The following ANKRD10 variants were observed in gnomAD, a reference collection of about 807,000 sequenced individuals.
ANKRD10 encodes the protein ankyrin repeat domain 10, also known as ankyrin repeat domain-containing protein 10.
In ANKRD10, 14 loss-of-function variants were observed where a neutral mutation model predicts 27.0. The ratio of observed to expected loss-of-function variants is 0.52; its 90% CI spans 0.34 to 0.81. The LOEUF (loss-of-function observed/expected upper bound fraction) is 0.81. Among genes scored for constraint, ANKRD10 ranks in the 40% least tolerant of loss-of-function variants. ANKRD10 has a pLI of 0.01. For missense variants in ANKRD10, 493 were observed against 544.0 expected, an observed-to-expected ratio of 0.91 and a Z score of 0.93; for synonymous variants, 250 against 224.5, an observed-to-expected ratio of 1.11 and a Z score of -1.01.
At chr13:110,884,982 G>A (rs2064889738) in intron 4 of ANKRD10, among the ~76,000 whole-genome samples, 1 of 151,768 alleles carries the variant, frequency 6.6e-6, no homozygotes, top group South Asian at 2.1e-4. Context: ...TGAGAAACCC[G>A]ATTTCTGAAA....
Position 110,900,502 on chromosome 13 carries a change from C to A in ANKRD10, c.455+5531G>T. ...ATCTCTATCTGAATTCCTAGATTAG[C>A]GTTAAAACCAATCACCGCAACAAAT... is the stretch of plus-strand genomic sequence containing the variant. On this transcript the variant is annotated intron_variant, in intron 3 of 5. Transcript: ENST00000267339. The A allele has an allele frequency of 5.6e-6, 7 of 1,251,510 alleles. No individual in the cohort carries two copies. In the South Asian group the frequency reaches 8.3e-5, roughly 15 times the overall value. The allele number at this position is 1,251,510 out of a possible 1,614,324, so 77.5% of individuals were successfully genotyped here. A position where few individuals can be genotyped will look rare whatever the true frequency, so the allele number is the denominator to read the frequency against.
Position 110,879,139 on chromosome 13 carries a change from C to T in ANKRD10, c.*498G>A, listed in dbSNP as rs143647399. The T allele has an allele frequency of 2.0e-3, 317 of 162,286 alleles. 1 individual carries two copies. The highest frequency in any genetic ancestry group is 7.1e-3 in the African/African-American group (298 of 41,696). 10.1% of individuals were successfully genotyped at this position (162,286 alleles called of 1,614,324 possible). On this transcript the variant is annotated 3_prime_UTR_variant, in exon 6 of 6. Coordinates refer to ENST00000267339, the MANE Select transcript of ANKRD10 (RefSeq NM_017664.4). The stretch of plus-strand genomic sequence containing the variant: ...AGCTTCATTGAAAAAGACAAACGTT[C>T]TCTTCTTCACACAAATCACTGCAGA...
chr13:110,912,285 A>C (rs2065738155), intron 1 of ANKRD10, among the ~76,000 whole-genome samples: 2 of 152,164 alleles, frequency 1.3e-5, no homozygotes, highest in African/African-American at 4.8e-5. Context: ...ATCTCAACTC[A>C]AGGTTTCTTT....
At chr13:110,884,212 T>C (rs1240205978) in intron 4 of ANKRD10, among the ~76,000 whole-genome samples, 1 of 131,688 alleles carries the variant, frequency 7.6e-6, no homozygotes, top group Non-Finnish European at 1.8e-5. Flanking sequence ...ACTATTTCCA[T>C]TAACAAAAAA....
At position 110,910,759 on chromosome 13, in the gene ANKRD10, T is replaced by C. The variant is rs144260529; in HGVS notation, c.222A>G (p.Leu74=). ...WAAHFGKLEC[L]VQLVRAGATL... ...TGGCTCCCGCTCTCACCAACTGCAC[T>C]AAGCACTCCAACTTCGAAAACAAGA... is the stretch of plus-strand genomic sequence containing the variant. Residue 74 remains leucine, a synonymous_variant, in exon 2 of 6, where the codon TTA becomes TTG. Transcript: ENST00000267339. 5.8e-4 allele frequency: 939 copies of C among 1,613,504 alleles called. 5 individuals carry two copies. The African/African-American group carries it at 0.012, about 20-fold the overall frequency.
At position 110,915,016 on chromosome 13, in the gene ANKRD10, A is replaced by G. The variant is rs1198320833; in HGVS notation, c.-82T>C. The G allele has an allele frequency of 2.0e-6, 3 of 1,474,018 alleles. No individual in the cohort carries two copies. Among genetic ancestry groups the G allele is most frequent in the African/African-American group, 2.8e-5 (2 of 70,860 alleles). The allele number at this position is 1,474,018 out of a possible 1,614,324, so 91.3% of individuals were successfully genotyped here. A position where few individuals can be genotyped will look rare whatever the true frequency, so the allele number is the denominator to read the frequency against. Reference sequence around the variant, plus strand: ...TCGAGAAGCCGCCGCCGCAGCACAAAGGAACGAGACTAGCGCCGCGGTCGC... The same window carrying G: ...TCGAGAAGCCGCCGCCGCAGCACAAGGGAACGAGACTAGCGCCGCGGTCGC... On this transcript the variant is annotated 5_prime_UTR_variant, in exon 1 of 6. Transcript: ENST00000267339.
chr13:110,906,266 A>T lies in ANKRD10; in HGVS notation c.364-142T>A. 4.6e-6 allele frequency: 3 copies of T among 658,430 alleles called. No homozygotes were observed. In the South Asian group the frequency reaches 6.1e-5, roughly 13 times the overall value. The allele number at this position is 658,430 out of a possible 1,614,324, so 40.8% of individuals were successfully genotyped here. A position where few individuals can be genotyped will look rare whatever the true frequency, so the allele number is the denominator to read the frequency against. ...TTGAGCAAGATCTGAAGCAGAACACAAAGAAATCTATACGTGAATGGAGGA... is the reference window on the plus strand; with the variant it reads ...TTGAGCAAGATCTGAAGCAGAACACTAAGAAATCTATACGTGAATGGAGGA... On this transcript the variant is annotated intron_variant, in intron 2 of 5. Coordinates refer to ENST00000267339, the MANE Select transcript of ANKRD10 (RefSeq NM_017664.4).
At chr13:110,893,639 TAACA>T (rs1446934552) in intron 3 of ANKRD10, among the ~76,000 whole-genome samples, 1 of 152,234 alleles carries the variant, frequency 6.6e-6, no homozygotes, top group African/African-American at 2.4e-5. Context: ...AATAAAATCA[TAACA>T]AACAACATGT....
At chr13:110,911,473 C>CACT (rs2065706687) in intron 1 of ANKRD10, among the ~76,000 whole-genome samples, 1 of 128,704 alleles carries the variant, frequency 7.8e-6, no homozygotes, top group Non-Finnish European at 1.6e-5. Flanking sequence ...CCACCACCAC[C>CACT]ACTTTGTGTA....
chr13:110,880,011 T>C lies in ANKRD10; in HGVS notation c.889A>G (p.Ser297Gly). ...CCTGTCAAGCACTGGCCATTCCTGC[T>C]TTCCATCCCACTGAGCGGGGTCGTG... ...PSTTPLSGME[S>G]RNGQCLTGTN... The change falls in exon 6 of 6, where the codon AGC becomes GGC. Residue 297 changes from serine to glycine, a missense_variant. Physicochemically the swap from Ser to Gly is moderately conservative, Grantham distance 56. Coordinates refer to ENST00000267339, the MANE Select transcript of ANKRD10 (RefSeq NM_017664.4). The C allele has an allele frequency of 6.2e-7, 1 of 1,614,234 alleles. No individual in the cohort carries two copies. Among genetic ancestry groups the C allele is most frequent in the Non-Finnish European group, 8.5e-7 (1 of 1,180,060 alleles).
intron 4 of ANKRD10, among the ~76,000 whole-genome samples, chr13:110,889,109 G>A (rs2065009346): frequency 1.5e-5 from 1 of 66,942 alleles, no homozygotes; most frequent in South Asian, 6.1e-4. Context: ...ATTGAAAAAC[G>A]ACCACAGTTT....
chr13:110,893,077 T>C lies in ANKRD10; in HGVS notation c.642A>G (p.Arg214=). ...CAAAGTCTTCTGAGTCTTCCAAGCA[T>C]CTCTTTCGATTTGTTCCCACACTAA... The part of the protein sequence containing the change: ...NHISVGTNRK[R]CLEDSEDFGV... The change falls in exon 4 of 6, where the codon AGA becomes AGG. Residue 214 remains arginine (R), a synonymous_variant. Transcript: ENST00000267339. The C allele has an allele frequency of 1.9e-6, 3 of 1,614,244 alleles. No homozygotes were observed. The highest frequency in any genetic ancestry group is 2.5e-6 in the Non-Finnish European group (3 of 1,180,044).
intron 3 of ANKRD10, among the ~76,000 whole-genome samples, chr13:110,903,284 A>G (rs1476587269): frequency 6.6e-6 from 1 of 152,212 alleles, no homozygotes; most frequent in Admixed American, 6.5e-5. Context: ...TAGGTCCTTT[A>G]AAGTACACAA....
At chr13:110,910,418 G>A (rs1427113257) in intron 2 of ANKRD10, among the ~76,000 whole-genome samples, 200 bp downstream of exon 2, 1 of 152,192 alleles carries the variant, frequency 6.6e-6, no homozygotes, top group African/African-American at 2.4e-5. Flanking sequence ...ACAGGTGAAA[G>A]CACTCTATGA....
chr13:110,889,909 A>G (rs2065030430), intron 4 of ANKRD10, among the ~76,000 whole-genome samples: 1 of 152,242 alleles, frequency 6.6e-6, no homozygotes, highest in African/African-American at 2.4e-5. Flanking sequence ...CCAAGATATT[A>G]TCCCTGGCAC....
chr13:110,892,761 T>C (rs1228378718), intron 4 of ANKRD10: 1 of 1,152,876 alleles, frequency 8.7e-7, no homozygotes, highest in African/African-American at 1.6e-5. Context: ...AAAAATCTAA[T>C]TCATGGCAGG....
intron 3 of ANKRD10, among the ~76,000 whole-genome samples, chr13:110,898,506 C>T (rs1289785910): frequency 1.3e-5 from 2 of 152,244 alleles, no homozygotes; most frequent in African/African-American, 4.8e-5. Context: ...CTAGTACTTA[C>T]AGTACTTTGT....
intron 3 of ANKRD10, among the ~76,000 whole-genome samples, chr13:110,898,112 C>CT (rs1201280002): frequency 3.3e-5 from 5 of 152,152 alleles, no homozygotes; most frequent in Non-Finnish European, 7.3e-5. Flanking sequence ...ACAAAAGACT[C>CT]TGAGAGCGCA....
intron 4 of ANKRD10, 95 bp from the exon 5 acceptor site, chr13:110,883,888 C>A: frequency 9.9e-4 from 988 of 993,942 alleles, no homozygotes; most frequent in East Asian, 1.8e-3. Flanking sequence ...GAGCACTGAA[C>A]ACTTTAAACA....
Sources: allele counts gnomAD v4.1 joint callset (sites outside exome capture counted in the v4.1 genomes callset), GRCh38; gene constraint gnomAD v4.1.1; transcripts MANE v1.5; gene names NCBI Gene and HGNC (gene_info 2026-07-23, HGNC 2026-07-21).